The following AGBL1 variants were observed in gnomAD, a reference collection of about 807,000 sequenced individuals.
The protein encoded by AGBL1 is cytosolic carboxypeptidase 4.
In AGBL1, 130 loss-of-function variants were observed where a neutral mutation model predicts 118.9. The ratio of observed to expected loss-of-function variants is 1.09; its 90% CI spans 0.95 to 1.26. AGBL1 has a LOEUF of 1.26. Among genes scored for constraint, AGBL1 ranks in the 50% most tolerant of loss-of-function variants. The pLI, the probability that AGBL1 is intolerant of heterozygous loss-of-function variation, is 0.00. For synonymous variants in AGBL1, 555 were observed against 478.9 expected, an observed-to-expected ratio of 1.16 and a Z score of -2.08; for missense variants, 1,584 against 1,298.1, an observed-to-expected ratio of 1.22 and a Z score of -3.38.
chr15:86,379,439 C>T (rs959899471), intron 17 of AGBL1, among the ~76,000 whole-genome samples: 10 of 152,070 alleles, frequency 6.6e-5, no homozygotes, highest in African/African-American at 2.2e-4. Context: ...CTAGATATGG[C>T]CATACCAATA....
chr15:86,684,702 G>T (rs1232616614), intron 22 of AGBL1, among the ~76,000 whole-genome samples: 2 of 152,094 alleles, frequency 1.3e-5, no homozygotes, highest in Non-Finnish European at 2.9e-5. Context: ...GGGATGACAA[G>T]CTCTGTGAAT....
intron 4 of AGBL1, among the ~76,000 whole-genome samples, chr15:86,156,794 C>CTTT (rs773611214): frequency 2.0e-4 from 21 of 105,544 alleles, no homozygotes; most frequent in African/African-American, 6.0e-4. Context: ...TCTTTTCTTT[C>CTTT]TTTTTTTTTT....
intron 18 of AGBL1, among the ~76,000 whole-genome samples, chr15:86,444,462 G>T: frequency 6.6e-6 from 1 of 152,142 alleles, no homozygotes; most frequent in East Asian, 1.9e-4. Context: ...GAGAGTTCCT[G>T]GAAATCTAGC....
At chr15:86,431,398 A>C (rs1173502990) in intron 18 of AGBL1, among the ~76,000 whole-genome samples, 1 of 152,240 alleles carries the variant, frequency 6.6e-6, no homozygotes, top group Non-Finnish European at 1.5e-5. Context: ...ACACAGTGCT[A>C]AGCACAGGGC....
chr15:86,351,104 T>C (rs1030508167), intron 17 of AGBL1, among the ~76,000 whole-genome samples: 2 of 152,178 alleles, frequency 1.3e-5, no homozygotes, highest in Non-Finnish European at 2.9e-5. Flanking sequence ...CTAGGCTAGG[T>C]AATTTATAAT....
At chr15:86,742,742 A>G (rs999915862) in intron 22 of AGBL1, among the ~76,000 whole-genome samples, 1 of 152,084 alleles carries the variant, frequency 6.6e-6, no homozygotes, top group African/African-American at 2.4e-5. Context: ...TGCTCTATTC[A>G]TTCCTCTGAT....
chr15:86,301,779 C>A (rs111353897), intron 17 of AGBL1, among the ~76,000 whole-genome samples: 5 of 151,442 alleles, frequency 3.3e-5, no homozygotes, highest in African/African-American at 1.2e-4. Context: ...GAGGATGTAT[C>A]TTCATGGTAA....
At chr15:86,636,494 GT>G (rs11324595) in intron 21 of AGBL1, among the ~76,000 whole-genome samples, 124,366 of 141,474 alleles carry the variant, frequency 0.88, 54,779 homozygotes, top group East Asian at 1. Flanking sequence ...CATCAAGATA[GT>G]TTTTTTTTTT....
At chr15:86,943,078 A>G (rs1257018461) in intron 23 of AGBL1, among the ~76,000 whole-genome samples, 5 of 152,216 alleles carry the variant, frequency 3.3e-5, no homozygotes, top group Non-Finnish European at 7.3e-5. Context: ...CAAGATTCCT[A>G]TAAGTCAGGA....
intron 22 of AGBL1, among the ~76,000 whole-genome samples, chr15:86,821,228 A>T (rs1187283584): frequency 6.6e-6 from 1 of 152,138 alleles, no homozygotes; most frequent in African/African-American, 2.4e-5. Flanking sequence ...CCTAATATAG[A>T]TGACGGGTTG....
At chr15:86,383,017 G>T (rs571228970) in intron 17 of AGBL1, among the ~76,000 whole-genome samples, 11 of 152,126 alleles carry the variant, frequency 7.2e-5, no homozygotes, top group African/African-American at 2.7e-4. Context: ...CTCTGCTCTG[G>T]TGTCAGCTGG....
chr15:86,440,369 T>A (rs968871615), intron 18 of AGBL1, among the ~76,000 whole-genome samples: 9 of 152,026 alleles, frequency 5.9e-5, no homozygotes, highest in African/African-American at 2.2e-4. Context: ...AATTGATGTC[T>A]TTGTAAAAGC....
At chr15:87,028,959 G>C in exon 25 of AGBL1, 2 of 1,162,956 alleles carry the variant, frequency 1.7e-6, no homozygotes, top group Non-Finnish European at 2.5e-6. Flanking sequence ...GGAAAATGTT[G>C]CTCCATCATC....
At chr15:86,758,992 A>G (rs529416869) in intron 22 of AGBL1, among the ~76,000 whole-genome samples, 23 of 151,100 alleles carry the variant, frequency 1.5e-4, no homozygotes, top group South Asian at 2.1e-4. Flanking sequence ...AAAGAAAAAA[A>G]AAAGAAAAGA....
chr15:86,647,570 G>A (rs970141182), intron 21 of AGBL1, among the ~76,000 whole-genome samples: 2 of 152,230 alleles, frequency 1.3e-5, no homozygotes, highest in Admixed American at 6.5e-5. Context: ...ATGTGGTGGT[G>A]CATACCTGTA....
At chr15:86,332,389 G>A (rs996528043) in intron 17 of AGBL1, among the ~76,000 whole-genome samples, 4 of 152,168 alleles carry the variant, frequency 2.6e-5, no homozygotes, top group Admixed American at 1.3e-4. Context: ...GCTCACGCCT[G>A]TAATCCCAGC....
intron 1 of AGBL1, among the ~76,000 whole-genome samples, chr15:86,116,336 A>G (rs569342576): frequency 8.5e-5 from 13 of 152,328 alleles, no homozygotes; most frequent in African/African-American, 2.2e-4. Flanking sequence ...CTAAAGCTGA[A>G]GGATTATGTG....
chr15:86,340,437 T>C (rs2080444401), intron 17 of AGBL1, among the ~76,000 whole-genome samples: 1 of 152,128 alleles, frequency 6.6e-6, no homozygotes, highest in South Asian at 2.1e-4. Flanking sequence ...ACTTGTGTCC[T>C]TGAACATGGA....
At position 86,201,155 on chromosome 15, in the gene AGBL1, T is replaced by C. The variant is rs182124263; in HGVS notation, c.489-23759T>C. ...TTATACTCTACTTGGTTAATATAAT[T>C]TTAATAATGAATAGGAATAGTCCAG... On this transcript the variant is annotated intron_variant, in intron 5 of 22. Coordinates refer to ENST00000614907, the MANE Select transcript of AGBL1 (RefSeq NM_001386094.1). Among the ~76,000 whole-genome samples, 1,243 of 152,276 alleles carry C rather than the reference T, an allele frequency of 8.2e-3. 14 individuals are homozygous for C. Among genetic ancestry groups the C allele is most frequent in the African/African-American group, 0.029 (1,202 of 41,548 alleles).
Sources: allele counts gnomAD v4.1 joint callset (sites outside exome capture counted in the v4.1 genomes callset), GRCh38; gene constraint gnomAD v4.1.1; transcripts MANE v1.5; gene names NCBI Gene and HGNC (gene_info 2026-07-23, HGNC 2026-07-21).